CNTFR: variants seen among roughly 807,000 people sequenced by gnomAD.
CNTFR encodes the protein ciliary neurotrophic factor receptor subunit alpha.
Under a neutral mutation model 40.4 loss-of-function variants are expected in CNTFR, and 12 were observed. The ratio of observed to expected loss-of-function variants is 0.30; its 90% CI spans 0.19 to 0.48. The LOEUF is 0.48. Among genes scored for constraint, CNTFR ranks in the 20% least tolerant of loss-of-function variants. The pLI, the probability that CNTFR is intolerant of heterozygous loss-of-function variation, is 0.99. For missense variants in CNTFR, 414 were observed against 506.8 expected (o/e 0.82, Z 1.76); for synonymous variants, 202 against 209.6 (o/e 0.96, Z 0.31).
rs759016878 is a variant in CNTFR, at chr9:34,552,902, G to A, written c.769-48C>T. The A allele has an allele frequency of 9.5e-6, 15 of 1,586,078 alleles. No homozygotes were observed. In the South Asian group the frequency reaches 1.3e-4, roughly 14 times the overall value. Reference sequence around the variant, plus strand: ...GGGTAAGGACACACCTGGGGGCCAGGAGGGTGAGGTCCCTCCAGAGGAAGT... The same window carrying A: ...GGGTAAGGACACACCTGGGGGCCAGAAGGGTGAGGTCCCTCCAGAGGAAGT... On this transcript the variant is annotated intron_variant, in intron 7 of 9. Coordinates refer to ENST00000378980, the MANE Select transcript of CNTFR (RefSeq NM_147164.3). The surrounding 1 kb of genome is among the most constrained non-coding windows in gnomAD (Gnocchi z 5.1).
Position 34,583,663 on chromosome 9 carries a change from C to T in CNTFR, c.-111-2458G>A, listed in dbSNP as rs187185200. ...GCCAAGGCAGCTCTATCAGAATCAG[C>T]TGCGGGGTTGTGCTGATCTGTTTCT... On this transcript the variant is annotated intron_variant, in intron 1 of 9. Transcript: ENST00000378980. Among the ~76,000 whole-genome samples the T allele has an allele frequency of 2.6e-5, 4 of 152,182 alleles. No individual in the cohort carries two copies. In the East Asian group the frequency reaches 7.8e-4, roughly 30 times the overall value.
intron 4 of CNTFR, among the ~76,000 whole-genome samples, chr9:34,559,475 G>A (rs1191064965): frequency 6.6e-6 from 1 of 152,198 alleles, no homozygotes; most frequent in Non-Finnish European, 1.5e-5. Flanking sequence ...ACCCCACAGG[G>A]CCAACCTGCA....
chr9:34,555,897 TC>T (rs1825812045), intron 7 of CNTFR, among the ~76,000 whole-genome samples: 1 of 84,816 alleles, frequency 1.2e-5, no homozygotes, highest in Non-Finnish European at 2.4e-5. Flanking sequence ...GCCATCTCCC[TC>T]CCCCGCCATC....
rs184696693 is a variant in CNTFR, at chr9:34,574,306, G to A, written c.1-5325C>T. On this transcript the variant is annotated intron_variant, in intron 2 of 9. Transcript: ENST00000378980. The stretch of plus-strand genomic sequence containing the variant: ...TATGGTGTTTCTCCCTCCTGTCTCC[G>A]AATCTCTGATCTCTAGCCCCTTCTC... Among the ~76,000 whole-genome samples the A allele has an allele frequency of 1.2e-4, 18 of 152,272 alleles. No homozygotes were observed. In the East Asian group the frequency reaches 3.3e-3, roughly 28 times the overall value.
intron 4 of CNTFR, among the ~76,000 whole-genome samples, chr9:34,559,581 C>T (rs927223779): frequency 1.3e-5 from 2 of 152,214 alleles, no homozygotes; most frequent in African/African-American, 4.8e-5. Context: ...TTTAGTGTCT[C>T]TTCCCTGTCT....
intron 2 of CNTFR, among the ~76,000 whole-genome samples, chr9:34,580,363 C>T (rs577472450): frequency 1.5e-4 from 23 of 152,190 alleles, no homozygotes; most frequent in Non-Finnish European, 3.2e-4. Context: ...CCTTCCTCCT[C>T]TCCTGGGCCC....
chr9:34,555,883 GCCCGCCATCTCCCTCC>G (rs1419965655), intron 7 of CNTFR, among the ~76,000 whole-genome samples: 3 of 148,238 alleles, frequency 2.0e-5, no homozygotes, highest in East Asian at 2.0e-4. Flanking sequence ...TGCCTGTCCT[GCCCGCCATCTCCCTCC>G]CCCGCCATCT....
intron 2 of CNTFR, among the ~76,000 whole-genome samples, chr9:34,577,798 G>A (rs574923237): frequency 1.5e-4 from 23 of 152,306 alleles, no homozygotes; most frequent in African/African-American, 4.3e-4. Context: ...CCTCCCACCG[G>A]CTGCAGAGGC....
chr9:34,555,344 C>T (rs924071785), intron 7 of CNTFR, among the ~76,000 whole-genome samples: 2 of 152,042 alleles, frequency 1.3e-5, no homozygotes, highest in African/African-American at 4.8e-5. Context: ...GGAGTTAGAG[C>T]CTGGTAGATG....
intron 1 of CNTFR, among the ~76,000 whole-genome samples, chr9:34,583,070 C>T (rs534832213): frequency 6.6e-6 from 1 of 152,314 alleles, no homozygotes; most frequent in South Asian, 2.1e-4. Flanking sequence ...TAATTACAGC[C>T]GCTCCCCCAG....
Position 34,559,924 on chromosome 9 carries a change from C to T in CNTFR, c.320-1940G>A, listed in dbSNP as rs117950375. On this transcript the variant is annotated intron_variant, in intron 4 of 9. Transcript: ENST00000378980. Reference sequence around the variant, plus strand: ...CCGACTGTCCTCCCCCCTCAGACCGCGTCCCCTTCCAACCTCCCCCTCACG... The same window carrying T: ...CCGACTGTCCTCCCCCCTCAGACCGTGTCCCCTTCCAACCTCCCCCTCACG... Among the ~76,000 whole-genome samples, 551 of 152,176 alleles carry T rather than the reference C, an allele frequency of 3.6e-3. 18 individuals carry two copies. The East Asian group carries it at 0.06, about 16-fold the overall frequency.
intron 2 of CNTFR, among the ~76,000 whole-genome samples, chr9:34,579,533 T>C (rs568045444): frequency 4.8e-4 from 73 of 151,312 alleles, no homozygotes; most frequent in Admixed American, 1.2e-3. Context: ...AGAGATACCA[T>C]TGAGATAAGA....
chr9:34,559,198 T>C (rs554673753), intron 4 of CNTFR, among the ~76,000 whole-genome samples: 1 of 152,142 alleles, frequency 6.6e-6, no homozygotes, highest in South Asian at 2.1e-4. Flanking sequence ...AGAGTGGCCA[T>C]GGTGACACAG....
chr9:34,568,271 CCTGTGGG>C (rs1245883650), intron 3 of CNTFR: 2 of 152,474 alleles, frequency 1.3e-5, no homozygotes, highest in Non-Finnish European at 2.9e-5. Context: ...CGCTCCTTGT[CCTGTGGG>C]CTGTGGGCAG....
intron 2 of CNTFR, among the ~76,000 whole-genome samples, chr9:34,578,141 C>A (rs1273084498): frequency 1.3e-5 from 2 of 151,854 alleles, no homozygotes; most frequent in Non-Finnish European, 2.9e-5. Flanking sequence ...CAGAAGCAAC[C>A]CCCACAGCGG....
intron 2 of CNTFR, among the ~76,000 whole-genome samples, chr9:34,570,439 CG>C (rs1449666792): frequency 6.6e-6 from 1 of 152,182 alleles, no homozygotes; most frequent in Non-Finnish European, 1.5e-5. Flanking sequence ...GTGAAGCCGT[CG>C]GCGACAAAGC....
intron 4 of CNTFR, among the ~76,000 whole-genome samples, chr9:34,560,205 G>T (rs1433067168): frequency 1.3e-5 from 2 of 152,252 alleles, no homozygotes; most frequent in African/African-American, 4.8e-5. Flanking sequence ...CTGTGAGATT[G>T]TAGGACAGTG....
intron 7 of CNTFR, among the ~76,000 whole-genome samples, 167 bp downstream of exon 7, chr9:34,556,088 T>C (rs1181037311): frequency 2.0e-5 from 3 of 151,674 alleles, no homozygotes. Flanking sequence ...TAAGGACACC[T>C]GCCTCAGCTC....
chr9:34,570,356 C>T (rs7047619), intron 2 of CNTFR, among the ~76,000 whole-genome samples: 144,677 of 152,242 alleles, frequency 0.95, 68,838 homozygotes, highest in East Asian at 0.99. Flanking sequence ...AAAGGACCCA[C>T]CAGAAACACT....
Sources: gnomAD v4.1 joint callset for allele counts (sites outside exome capture counted in the v4.1 genomes callset) on GRCh38, gnomAD v4.1.1 for gene constraint, Gnocchi (gnomAD v3.1) non-coding constraint, MANE v1.5 for transcripts, NCBI Gene and HGNC (gene_info 2026-07-23, HGNC 2026-07-21) for gene names.